The following REPS2 variants were observed in gnomAD, a reference collection of about 807,000 sequenced individuals.
REPS2 encodes the protein RALBP1 associated Eps domain containing 2, also known as ralBP1-associated Eps domain-containing protein 2.
A neutral mutation model predicts 53.6 loss-of-function variants in REPS2; 23 were observed. The ratio of observed to expected loss-of-function variants is 0.43; its 90% confidence interval spans 0.31 to 0.61. The LOEUF (loss-of-function observed/expected upper bound fraction) is 0.61. Ranked by LOEUF, REPS2 falls within the 20% of genes least tolerant of loss-of-function variation. REPS2 has a pLI of 0.11. For missense variants in REPS2, 446 were observed against 534.9 expected (o/e 0.83, Z 1.64); for synonymous variants, 238 against 218.6 (o/e 1.09, Z -0.78).
Position 16,946,748 on chromosome X carries a change from G to T in REPS2, c.-114G>T. ...GCGTGGGGGTGGTGGTGGCGGCGGCGGTGGTGGCGGCGGCGGCGGCGGCGG... is the reference window on the plus strand; with the variant it reads ...GCGTGGGGGTGGTGGTGGCGGCGGCTGTGGTGGCGGCGGCGGCGGCGGCGG... On this transcript the variant is annotated 5_prime_UTR_variant, in exon 1 of 18. Coordinates refer to ENST00000357277, the MANE Select transcript of REPS2 (RefSeq NM_004726.3). 4.1e-6 allele frequency: 3 copies of T among 737,294 alleles called. No individual in the cohort carries two copies. Among genetic ancestry groups the T allele is most frequent in the Non-Finnish European group, 3.2e-6 (2 of 627,929 alleles). 60.8% of individuals were successfully genotyped at this position (737,294 alleles called of 1,213,427 possible).
At chrX:17,058,515 A>C (rs1427981653) in intron 8 of REPS2, among the ~76,000 whole-genome samples, 5 of 110,590 alleles carry the variant, frequency 4.5e-5, no homozygotes, top group African/African-American at 1.6e-4. Context: ...CTGAGCTAAA[A>C]GTATGTTAAC....
At chrX:17,118,918 A>G (rs1007714928) in intron 14 of REPS2, among the ~76,000 whole-genome samples, 26 of 112,631 alleles carry the variant, frequency 2.3e-4, no homozygotes, top group Non-Finnish European at 3.4e-4. Context: ...GAACTTTTGC[A>G]TAATAAATAA....
intron 14 of REPS2, among the ~76,000 whole-genome samples, chrX:17,130,274 C>A (rs1194686374): frequency 9.0e-6 from 1 of 111,545 alleles, no homozygotes; most frequent in Non-Finnish European, 1.9e-5. Context: ...GGTTGTTTCC[C>A]AGGTACTTCA....
chrX:16,994,210 A>G (rs1250441923), intron 1 of REPS2, among the ~76,000 whole-genome samples: 1 of 112,616 alleles, frequency 8.9e-6, no homozygotes, highest in African/African-American at 3.2e-5. Flanking sequence ...TAGCAGTGCA[A>G]TTTGTAATTG....
intron 12 of REPS2, chrX:17,074,682 A>T (rs1293095565): frequency 8.9e-6 from 1 of 112,376 alleles, no homozygotes; most frequent in South Asian, 3.7e-4. Flanking sequence ...AGAGGCTAGT[A>T]CAAGAGAGAA....
intron 1 of REPS2, among the ~76,000 whole-genome samples, chrX:16,964,747 C>A (rs2060714776): frequency 2.0e-5 from 2 of 97,738 alleles, no homozygotes; most frequent in South Asian, 4.7e-4. Flanking sequence ...GGCAGAGGCG[C>A]CCCTCACCTC....
intron 1 of REPS2, among the ~76,000 whole-genome samples, chrX:16,996,775 A>G (rs1288513905): frequency 8.9e-6 from 1 of 112,033 alleles, no homozygotes; most frequent in Non-Finnish European, 1.9e-5. Flanking sequence ...TTGAGGATCT[A>G]TGTGTAATAT....
intron 2 of REPS2, among the ~76,000 whole-genome samples, chrX:17,007,274 T>G (rs1295173421): frequency 1.8e-5 from 2 of 111,869 alleles, no homozygotes; most frequent in African/African-American, 3.3e-5. Flanking sequence ...GACCAAGCCC[T>G]TCACACTAAC....
chrX:17,082,456 A>G (rs1342792995), intron 13 of REPS2, among the ~76,000 whole-genome samples: 1 of 112,259 alleles, frequency 8.9e-6, no homozygotes, highest in Non-Finnish European at 1.9e-5. Flanking sequence ...ACCACATCCC[A>G]TATGGCCAAA....
At chrX:17,062,160 A>C (rs1602875800) in intron 8 of REPS2, among the ~76,000 whole-genome samples, 1 of 112,478 alleles carries the variant, frequency 8.9e-6, no homozygotes, top group Non-Finnish European at 1.9e-5. Flanking sequence ...CAGACTGCTG[A>C]GAGTTCAAGT....
chrX:16,964,759 C>T (rs1342926412), intron 1 of REPS2, among the ~76,000 whole-genome samples: 3 of 97,317 alleles, frequency 3.1e-5, no homozygotes, highest in Non-Finnish European at 6.4e-5. Context: ...CCTCACCTCC[C>T]GGACGGGGCG....
intron 5 of REPS2, among the ~76,000 whole-genome samples, chrX:17,042,796 A>T (rs2061849635): frequency 9.0e-6 from 1 of 110,522 alleles, no homozygotes; most frequent in South Asian, 3.9e-4. Context: ...TATCATAAAG[A>T]TTCATATATA....
intron 2 of REPS2, among the ~76,000 whole-genome samples, chrX:17,009,808 T>C (rs2061407319): frequency 9.0e-6 from 1 of 111,476 alleles, no homozygotes; most frequent in Non-Finnish European, 1.9e-5. Context: ...CTGCTTGTTG[T>C]ACTTTGTAAA....
At chrX:17,025,936 C>T (rs377342436) in intron 4 of REPS2, among the ~76,000 whole-genome samples, 35 of 111,340 alleles carry the variant, frequency 3.1e-4, no homozygotes, top group African/African-American at 1.0e-3. Flanking sequence ...TAAACCCCCA[C>T]CCCCCCAGTT....
At chrX:16,951,541 ACACACACACACACACACACC>A (rs1464344601) in intron 1 of REPS2, among the ~76,000 whole-genome samples, 1,524 of 55,678 alleles carry the variant, frequency 0.027, 39 homozygotes, top group Middle Eastern at 0.066. Flanking sequence ...ACACACACAC[ACACACACACACACACACACC>A]CCCGCTACCT....
At chrX:17,155,874 A>T (rs188352943), downstream of REPS2, among the ~76,000 whole-genome samples, 221 of 111,674 alleles carry the variant, frequency 2.0e-3, 1 homozygote, top group Non-Finnish European at 3.1e-3. Flanking sequence ...TTGAAAGGGG[A>T]GATGTCATGG....
At chrX:17,009,995 G>A (rs1048594611) in intron 2 of REPS2, among the ~76,000 whole-genome samples, 1 of 110,926 alleles carries the variant, frequency 9.0e-6, no homozygotes, top group East Asian at 2.8e-4. Context: ...ATTTTATCTT[G>A]CAGTCTTGGG....
intron 13 of REPS2, 111 bp downstream of exon 13, chrX:17,077,518 C>T (rs760149700): frequency 1.7e-5 from 14 of 810,326 alleles, no homozygotes; most frequent in Middle Eastern, 4.2e-4. Flanking sequence ...CTGGCAGTTT[C>T]GCATTCCGTG....
chrX:17,145,488 A>G (rs749877364), intron 17 of REPS2, among the ~76,000 whole-genome samples: 3 of 111,208 alleles, frequency 2.7e-5, no homozygotes, highest in Admixed American at 9.5e-5. Flanking sequence ...TAATCTTCTC[A>G]TTCTCAATAT....
Sources: gnomAD v4.1 joint callset for allele counts (sites outside exome capture counted in the v4.1 genomes callset) on GRCh38, gnomAD v4.1.1 for gene constraint, MANE v1.5 for transcripts, NCBI Gene and HGNC (gene_info 2026-07-23, HGNC 2026-07-21) for gene names.